The following PALM2AKAP2 variants were observed in gnomAD, a reference collection of about 807,000 sequenced individuals.
PALM2AKAP2 encodes the protein PALM2-AKAP2 fusion protein.
PALM2AKAP2 carries 37 observed loss-of-function variants against 71.5 expected under a neutral mutation model. The observed-to-expected ratio is 0.52, with a 90% confidence interval of 0.40 to 0.68. The LOEUF is 0.68. Ranked by LOEUF, PALM2AKAP2 falls within the 30% of genes least tolerant of loss-of-function variation. The pLI is 0.00. For missense variants in PALM2AKAP2, 1,224 were observed against 1,191.8 expected, an observed-to-expected ratio of 1.03 and a Z score of -0.40; for synonymous variants, 468 against 478.8, an observed-to-expected ratio of 0.98 and a Z score of 0.29.
chr9:109,869,360 G>T (rs190107487), intron 2 of PALM2AKAP2, among the ~76,000 whole-genome samples: 1 of 151,908 alleles, frequency 6.6e-6, no homozygotes, highest in Non-Finnish European at 1.5e-5. Context: ...ATGGAGTCTC[G>T]CTCTGTCGCT....
At chr9:109,907,151 T>C (rs1830464259) in intron 3 of PALM2AKAP2, among the ~76,000 whole-genome samples, 1 of 152,200 alleles carries the variant, frequency 6.6e-6, no homozygotes. Flanking sequence ...ACAAGCAGAG[T>C]TACTCAGACT....
intron 1 of PALM2AKAP2, among the ~76,000 whole-genome samples, chr9:110,103,253 C>T (rs376699500): frequency 5.3e-5 from 8 of 152,304 alleles, no homozygotes; most frequent in African/African-American, 1.4e-4. Flanking sequence ...GCCTAGTCTC[C>T]ACCCTGTGTC....
chr9:109,723,254 T>C (rs1828430445), intron 1 of PALM2AKAP2, among the ~76,000 whole-genome samples: 1 of 152,172 alleles, frequency 6.6e-6, no homozygotes, highest in South Asian at 2.1e-4. Context: ...CATTCAGCCA[T>C]GGAGATCTCC....
chr9:109,844,575 ATGTC>A (rs1440923896), intron 1 of PALM2AKAP2, among the ~76,000 whole-genome samples: 1 of 152,220 alleles, frequency 6.6e-6, no homozygotes, highest in East Asian at 1.9e-4. Context: ...TTTCTGCACT[ATGTC>A]TGTACTGTTT....
At chr9:109,924,750 G>C (rs1282400476) in intron 4 of PALM2AKAP2, among the ~76,000 whole-genome samples, 1 of 152,152 alleles carries the variant, frequency 6.6e-6, no homozygotes, top group Admixed American at 6.5e-5. Context: ...ACCTATGAGT[G>C]ACAGAAAAGC....
intron 1 of PALM2AKAP2, among the ~76,000 whole-genome samples, chr9:109,771,388 C>T (rs972549016): frequency 1.3e-5 from 2 of 152,200 alleles, no homozygotes; most frequent in Middle Eastern, 3.4e-3. Context: ...TGGAATGGGA[C>T]GAACAGATGA....
intron 6 of PALM2AKAP2, among the ~76,000 whole-genome samples, chr9:110,009,780 G>A (rs2132314275): frequency 6.6e-6 from 1 of 151,686 alleles, no homozygotes; most frequent in East Asian, 1.9e-4. Context: ...AACCCTCATG[G>A]CTTCCTGCTA....
chr9:109,923,997 C>G, intron 4 of PALM2AKAP2, 148 bp downstream of exon 4: 2 of 822,694 alleles, frequency 2.4e-6, no homozygotes, highest in Non-Finnish European at 3.7e-6. Context: ...TGTGTGAGGA[C>G]CAGGGGCCAT....
Position 109,861,818 on chromosome 9 carries a change from T to C in PALM2AKAP2, c.46-5673T>C, listed in dbSNP as rs143273482. Among the ~76,000 whole-genome samples, 238 of 152,374 alleles carry C rather than the reference T, an allele frequency of 1.6e-3. 1 individual carries two copies. The highest frequency in any genetic ancestry group is 5.5e-3 in the African/African-American group (230 of 41,584). On this transcript the variant is annotated intron_variant, in intron 1 of 9. Coordinates refer to the PALM2AKAP2 transcript ENST00000302798. The stretch of plus-strand genomic sequence containing the variant: ...TAGCATTAGGACACTTCTGGTTTTA[T>C]GGACTGATGGCCAATGTGTTTTTAA...
chr9:109,975,424 G>A (rs936086936), intron 6 of PALM2AKAP2, among the ~76,000 whole-genome samples: 3 of 152,160 alleles, frequency 2.0e-5, no homozygotes, highest in Admixed American at 6.5e-5. Flanking sequence ...TTGGATGATT[G>A]CCCACCCACA....
intron 1 of PALM2AKAP2, among the ~76,000 whole-genome samples, chr9:110,070,400 G>T (rs991476221): frequency 2.6e-5 from 4 of 151,942 alleles, no homozygotes; most frequent in Non-Finnish European, 2.9e-5. Flanking sequence ...ATTTTAAAAA[G>T]AATTTTAAAA....
At chr9:109,913,059 A>T (rs1830608349) in intron 3 of PALM2AKAP2, among the ~76,000 whole-genome samples, 1 of 152,166 alleles carries the variant, frequency 6.6e-6, no homozygotes, top group Non-Finnish European at 1.5e-5. Flanking sequence ...CCAGTGGAGG[A>T]GCTGGATGTT....
chr9:109,987,779 G>A (rs984953587), intron 6 of PALM2AKAP2, among the ~76,000 whole-genome samples: 1 of 152,162 alleles, frequency 6.6e-6, no homozygotes, highest in African/African-American at 2.4e-5. Context: ...CATCTCTGTT[G>A]TGAAGGATGT....
At chr9:109,688,568 A>G (rs1488874232) in intron 1 of PALM2AKAP2, among the ~76,000 whole-genome samples, 2 of 152,234 alleles carry the variant, frequency 1.3e-5, no homozygotes, top group Admixed American at 6.5e-5. Context: ...ACCAGGTTGG[A>G]TGTCTGCTTG....
At chr9:109,854,620 G>A (rs180825131) in intron 1 of PALM2AKAP2, among the ~76,000 whole-genome samples, 2 of 152,164 alleles carry the variant, frequency 1.3e-5, no homozygotes, top group Non-Finnish European at 2.9e-5. Flanking sequence ...AACCTATGTT[G>A]ATATTTAGCA....
chr9:109,679,632 G>A (rs1587864811), intron 1 of PALM2AKAP2, among the ~76,000 whole-genome samples: 2 of 152,146 alleles, frequency 1.3e-5, no homozygotes, highest in African/African-American at 2.4e-5. Flanking sequence ...GCTACTCAAA[G>A]CATGGAATTC....
intron 6 of PALM2AKAP2, among the ~76,000 whole-genome samples, chr9:109,976,788 T>C (rs1049836583): frequency 2.0e-5 from 3 of 152,214 alleles, no homozygotes; most frequent in Non-Finnish European, 4.4e-5. Flanking sequence ...TATTTCTGTC[T>C]GACATATGAA....
chr9:109,650,164 G>A (rs1160675267), intron 1 of PALM2AKAP2, among the ~76,000 whole-genome samples: 1 of 151,930 alleles, frequency 6.6e-6, no homozygotes, highest in African/African-American at 2.4e-5. Context: ...ACTCTGGTAG[G>A]GAACCAGCCC....
chr9:110,051,460 T>C (rs1045389689), intron 1 of PALM2AKAP2, among the ~76,000 whole-genome samples: 11 of 152,376 alleles, frequency 7.2e-5, no homozygotes, highest in African/African-American at 9.6e-5. Flanking sequence ...TCTAGATAAT[T>C]ACAATAATCC....
Sources: allele counts gnomAD v4.1 joint callset (sites outside exome capture counted in the v4.1 genomes callset), GRCh38; gene constraint gnomAD v4.1.1; transcripts MANE v1.5; gene names NCBI Gene and HGNC (gene_info 2026-07-23, HGNC 2026-07-21).